ADGB: variants seen among roughly 807,000 people sequenced by gnomAD.
ADGB encodes the protein calpain-7-like protein.
Under a neutral mutation model 210.5 loss-of-function variants are expected in ADGB, and 172 were observed. That is an observed-to-expected ratio of 0.82 (90% CI 0.72 to 0.93). The LOEUF is 0.93. ADGB is among the 40% of genes least tolerant of loss of function. The probability of loss-of-function intolerance (pLI) is 0.00; values close to 1 mark genes in which losing one functional copy is unlikely to be tolerated. For missense variants in ADGB, 2,025 were observed against 1,964.8 expected (o/e 1.03, Z -0.58); for synonymous variants, 658 against 662.7 (o/e 0.99, Z 0.11).
At chr6:146,779,740 A>G (rs182082937) in intron 29 of ADGB, among the ~76,000 whole-genome samples, 227 of 152,122 alleles carry the variant, frequency 1.5e-3, no homozygotes, top group African/African-American at 5.4e-3. Flanking sequence ...AGGAGAAATT[A>G]AGATATCCCA....
intron 8 of ADGB, 136 bp downstream of exon 8, chr6:146,672,603 G>C (rs1020980902): frequency 9.7e-7 from 1 of 1,034,606 alleles, no homozygotes; most frequent in Non-Finnish European, 1.3e-6. Context: ...TCACACAGTA[G>C]GGAATTCAAG....
intron 1 of ADGB, among the ~76,000 whole-genome samples, chr6:146,627,193 A>G (rs1780985918): frequency 2.4e-5 from 2 of 83,276 alleles, no homozygotes; most frequent in African/African-American, 1.2e-4. Flanking sequence ...CCAACCGAAT[A>G]TAATAACTAT....
At chr6:146,811,260 T>C (rs1486531823) in intron 35 of ADGB, among the ~76,000 whole-genome samples, 2 of 152,166 alleles carry the variant, frequency 1.3e-5, no homozygotes, top group Non-Finnish European at 2.9e-5. Flanking sequence ...AAATGGCATT[T>C]TTTAAAGCAT....
intron 24 of ADGB, 78 bp from the exon 25 acceptor site, chr6:146,741,040 T>A (rs949011891): frequency 8.4e-7 from 1 of 1,194,764 alleles, no homozygotes; most frequent in Non-Finnish European, 1.1e-6. Context: ...TTTAAAAAAA[T>A]TTCTTGGCAT....
At chr6:146,776,040 A>G (rs1487825027) in intron 29 of ADGB, among the ~76,000 whole-genome samples, 3 of 152,112 alleles carry the variant, frequency 2.0e-5, no homozygotes, top group African/African-American at 7.2e-5. Context: ...TTATCCACTG[A>G]AGATTTCTGT....
intron 5 of ADGB, 31 bp downstream of exon 5, chr6:146,657,011 A>C: frequency 2.0e-6 from 3 of 1,503,418 alleles, no homozygotes; most frequent in Non-Finnish European, 2.7e-6. Flanking sequence ...ATAAAAACTC[A>C]TGAGTCTTTC....
intron 11 of ADGB, 34 bp from the exon 12 acceptor site, chr6:146,692,791 A>G: frequency 8.5e-7 from 1 of 1,183,212 alleles, no homozygotes; most frequent in Non-Finnish European, 1.2e-6. Flanking sequence ...ATTTTTTTAA[A>G]TGTACATCAT....
chr6:146,806,342 A>C (rs953694690), intron 35 of ADGB, among the ~76,000 whole-genome samples: 14 of 152,208 alleles, frequency 9.2e-5, no homozygotes, highest in Admixed American at 2.6e-4. Flanking sequence ...TTTTATACTC[A>C]TTCCTCAAGG....
intron 29 of ADGB, among the ~76,000 whole-genome samples, chr6:146,779,946 A>G (rs1004030771): frequency 1.3e-4 from 19 of 151,912 alleles, no homozygotes; most frequent in African/African-American, 4.6e-4. Context: ...ATAAATATGA[A>G]AGTCAATATA....
At chr6:146,770,498 G>T in intron 29 of ADGB, 1 of 432,412 alleles carries the variant, frequency 2.3e-6, no homozygotes, top group Non-Finnish European at 5.0e-6. Flanking sequence ...CTCTCTCATT[G>T]GGCAGGGATG....
intron 3 of ADGB, among the ~76,000 whole-genome samples, chr6:146,653,185 C>A (rs936022514): frequency 6.6e-6 from 1 of 151,950 alleles, no homozygotes; most frequent in Non-Finnish European, 1.5e-5. Flanking sequence ...TCTCCAGTCA[C>A]CCCCAGATGG....
chr6:146,765,376 A>G (rs1777556271), intron 28 of ADGB, among the ~76,000 whole-genome samples: 1 of 152,056 alleles, frequency 6.6e-6, no homozygotes, highest in Non-Finnish European at 1.5e-5. Context: ...AAGCTTAATC[A>G]TTTAGATATC....
At chr6:146,632,344 T>G in intron 1 of ADGB, among the ~76,000 whole-genome samples, 1 of 152,148 alleles carries the variant, frequency 6.6e-6, no homozygotes, top group Admixed American at 6.6e-5. Flanking sequence ...CTTTTCCCTC[T>G]AACCTCCTCC....
chr6:146,808,972 G>T (rs954399824), intron 35 of ADGB, among the ~76,000 whole-genome samples: 1 of 151,870 alleles, frequency 6.6e-6, no homozygotes, highest in Non-Finnish European at 1.5e-5. Context: ...CGAAGGCCTC[G>T]AGCTGTGGGA....
At chr6:146,699,552 C>T (rs1234275983) in intron 12 of ADGB, among the ~76,000 whole-genome samples, 2 of 151,974 alleles carry the variant, frequency 1.3e-5, no homozygotes, top group African/African-American at 4.8e-5. Flanking sequence ...CTCAATCCAC[C>T]GACTCGCACG....
chr6:146,764,034 AC>A lies in ADGB; in HGVS notation c.3688del (p.Val1231TrpfsTer42). On this transcript the variant is annotated frameshift_variant, in exon 28 of 36. Coordinates refer to ENST00000397944, the MANE Select transcript of ADGB (RefSeq NM_024694.4). LOFTEE classifies it high-confidence loss of function. ...AVSAIQDIGL[P>X]LVEEETTSTP... ...TAAGTGCAATACAAGACATTGGTCT[AC>A]CCCTTGTGGAGGAGGAAACTACCAG... 1 of 1,551,464 alleles carries A rather than the reference AC, an allele frequency of 6.4e-7. No individual in the cohort carries two copies. The highest frequency in any genetic ancestry group is 2.4e-5 in the East Asian group (1 of 40,896).
At chr6:146,683,865 A>G (rs1358134632) in intron 9 of ADGB, among the ~76,000 whole-genome samples, 1 of 152,164 alleles carries the variant, frequency 6.6e-6, no homozygotes, top group Admixed American at 6.6e-5. Flanking sequence ...AATATTAAAT[A>G]TTAAGCTTTA....
intron 5 of ADGB, among the ~76,000 whole-genome samples, chr6:146,663,166 A>T (rs1775888918): frequency 7.1e-6 from 1 of 140,608 alleles, no homozygotes; most frequent in African/African-American, 2.6e-5. Flanking sequence ...ATATATATTT[A>T]TTATATATTA....
At chr6:146,777,395 C>G (rs557891677) in intron 29 of ADGB, among the ~76,000 whole-genome samples, 2 of 152,136 alleles carry the variant, frequency 1.3e-5, no homozygotes, top group South Asian at 4.2e-4. Flanking sequence ...CTCACCACTT[C>G]CATATTTAAT....
Sources: allele counts gnomAD v4.1 joint callset (sites outside exome capture counted in the v4.1 genomes callset), GRCh38; gene constraint gnomAD v4.1.1; transcripts MANE v1.5; gene names NCBI Gene and HGNC (gene_info 2026-07-23, HGNC 2026-07-21).